PEBP4: variants seen among roughly 807,000 people sequenced by gnomAD.
The protein encoded by PEBP4 is phosphatidylethanolamine-binding protein 4.
In PEBP4, 22 loss-of-function variants were observed where a neutral mutation model predicts 23.9. That is an observed-to-expected ratio of 0.92 (90% CI 0.66 to 1.31). The LOEUF is 1.31. Among genes scored for constraint, PEBP4 ranks in the 40% most tolerant of loss-of-function variants. PEBP4 has a pLI of 0.00. For synonymous variants in PEBP4, 112 were observed against 99.3 expected (o/e 1.13, Z -0.76); for missense variants, 324 against 281.7 (o/e 1.15, Z -1.07).
At chr8:22,838,736 C>T (rs562341814) in intron 3 of PEBP4, among the ~76,000 whole-genome samples, 4 of 152,394 alleles carry the variant, frequency 2.6e-5, no homozygotes, top group African/African-American at 9.6e-5. Context: ...GCCCCCTCTG[C>T]TCTCGGCCTA....
Position 22,795,341 on chromosome 8 carries a change from A to G in PEBP4, c.357+22296T>C, listed in dbSNP as rs551276161. ...CAGGCATGTGCCACCACTCCGGGCTAATTTTTTATATTTTTAGTAGAGACG... is the reference window on the plus strand; with the variant it reads ...CAGGCATGTGCCACCACTCCGGGCTGATTTTTTATATTTTTAGTAGAGACG... On this transcript the variant is annotated intron_variant, in intron 4 of 6. Transcript: ENST00000256404. 2.6e-5 allele frequency among the ~76,000 whole-genome samples: 4 copies of G among 151,026 alleles called. 1 individual carries two copies. The highest frequency in any genetic ancestry group is 9.7e-5 in the African/African-American group (4 of 41,192).
At chr8:22,808,122 C>T (rs1468864752) in intron 4 of PEBP4, among the ~76,000 whole-genome samples, 1 of 151,872 alleles carries the variant, frequency 6.6e-6, no homozygotes, top group Non-Finnish European at 1.5e-5. Context: ...ACCCACCTAC[C>T]CAACTTCCAC....
At chr8:22,818,007 G>A (rs533738013) in intron 3 of PEBP4, among the ~76,000 whole-genome samples, 61 of 152,368 alleles carry the variant, frequency 4.0e-4, no homozygotes, top group Non-Finnish European at 6.9e-4. Context: ...CACCTGGGAA[G>A]TTCTGAGCGC....
At chr8:22,801,847 C>T (rs1433606698) in intron 4 of PEBP4, among the ~76,000 whole-genome samples, 1 of 152,114 alleles carries the variant, frequency 6.6e-6, no homozygotes, top group Non-Finnish European at 1.5e-5. Context: ...TGTGAAAACT[C>T]CACCACTCTT....
chr8:22,796,717 CACTT>C lies in PEBP4; in HGVS notation c.357+20916_357+20919del, dbSNP rs564308607. On this transcript the variant is annotated intron_variant, in intron 4 of 6. Transcript: ENST00000256404. ...CAGAAAGCAAAAAACCACATGTTCT[CACTT>C]ACAAGTGAGAGCTAAACAGTGGCTC... Among the ~76,000 whole-genome samples, 1,073 of 152,292 alleles carry C rather than the reference CACTT, an allele frequency of 7.0e-3. 9 individuals carry two copies. Among genetic ancestry groups the C allele is most frequent in the Non-Finnish European group, 0.012 (811 of 68,040 alleles).
chr8:22,871,289 C>T (rs1411508827), intron 3 of PEBP4, among the ~76,000 whole-genome samples: 1 of 152,130 alleles, frequency 6.6e-6, no homozygotes, highest in African/African-American at 2.4e-5. Context: ...GGCTTGGGCC[C>T]ACATTTTGCA....
chr8:22,870,451 G>A (rs1279627119), intron 3 of PEBP4, among the ~76,000 whole-genome samples: 2 of 152,196 alleles, frequency 1.3e-5, no homozygotes, highest in Admixed American at 6.5e-5. Context: ...GGATGACTAG[G>A]TGGAGCATAG....
chr8:22,809,409 C>A (rs984855072), intron 4 of PEBP4, among the ~76,000 whole-genome samples: 14 of 152,138 alleles, frequency 9.2e-5, no homozygotes, highest in African/African-American at 2.9e-4. Flanking sequence ...CTGCTTACAC[C>A]AGCATCACCA....
intron 3 of PEBP4, among the ~76,000 whole-genome samples, chr8:22,866,016 A>G (rs939124239): frequency 6.6e-6 from 1 of 151,976 alleles, no homozygotes; most frequent in African/African-American, 2.4e-5. Flanking sequence ...GCTCTCCCAA[A>G]CCCAGGGCGT....
chr8:22,757,969 G>A (rs1160926933), intron 4 of PEBP4: 2 of 152,208 alleles, frequency 1.3e-5, no homozygotes, highest in Non-Finnish European at 2.9e-5. Flanking sequence ...AAAGAACACT[G>A]GCCTTGAGGT....
intron 4 of PEBP4, among the ~76,000 whole-genome samples, chr8:22,733,198 G>C (rs1402385303): frequency 6.6e-6 from 1 of 152,210 alleles, no homozygotes; most frequent in African/African-American, 2.4e-5. Flanking sequence ...TCAGCTCCTC[G>C]AGGGTGGGGA....
chr8:22,761,377 C>T (rs1164687285), intron 4 of PEBP4, among the ~76,000 whole-genome samples: 1 of 151,120 alleles, frequency 6.6e-6, no homozygotes, highest in African/African-American at 2.4e-5. Context: ...TGGCTCCTGA[C>T]ATGGCGAGGG....
chr8:22,840,021 A>T (rs1241021820), intron 3 of PEBP4, among the ~76,000 whole-genome samples: 2 of 152,242 alleles, frequency 1.3e-5, no homozygotes, highest in East Asian at 3.8e-4. Flanking sequence ...ACAGAATGTG[A>T]CCGGTCTGCT....
intron 3 of PEBP4, among the ~76,000 whole-genome samples, chr8:22,850,613 G>A (rs536598862): frequency 3.9e-4 from 59 of 152,346 alleles, no homozygotes; most frequent in African/African-American, 1.4e-3. Flanking sequence ...CAGGGGCTAT[G>A]AGCCTAGCTC....
chr8:22,856,478 AGGCCGAGGCAGGC>A (rs1324426209), intron 3 of PEBP4, among the ~76,000 whole-genome samples: 1 of 152,230 alleles, frequency 6.6e-6, no homozygotes. Flanking sequence ...GCACTTTGGG[AGGCCGAGGCAGGC>A]GGATTACTTG....
At chr8:22,833,954 A>G (rs1368907123) in intron 3 of PEBP4, among the ~76,000 whole-genome samples, 1 of 152,200 alleles carries the variant, frequency 6.6e-6, no homozygotes, top group African/African-American at 2.4e-5. Flanking sequence ...AGCCAAATCT[A>G]TGACTGACTA....
At chr8:22,862,254 G>T (rs549719561) in intron 3 of PEBP4, among the ~76,000 whole-genome samples, 27 of 152,132 alleles carry the variant, frequency 1.8e-4, no homozygotes, top group African/African-American at 6.5e-4. Context: ...AAAAATTCAA[G>T]CTGGAATTAG....
chr8:22,874,815 A>G (rs1000152126), intron 3 of PEBP4, among the ~76,000 whole-genome samples: 16 of 152,192 alleles, frequency 1.1e-4, no homozygotes, highest in Non-Finnish European at 1.5e-4. Flanking sequence ...AGAAAATCCG[A>G]TAACTGAAAG....
chr8:22,728,437 C>A (rs1462072055), intron 4 of PEBP4, among the ~76,000 whole-genome samples: 2 of 152,270 alleles, frequency 1.3e-5, no homozygotes, highest in African/African-American at 2.4e-5. Context: ...GAAGGATAGA[C>A]CCTTCCCCCA....
Sources: gnomAD v4.1 joint callset for allele counts (sites outside exome capture counted in the v4.1 genomes callset) on GRCh38, gnomAD v4.1.1 for gene constraint, MANE v1.5 for transcripts, NCBI Gene and HGNC (gene_info 2026-07-23, HGNC 2026-07-21) for gene names.